The following KCNQ1 variants were observed in gnomAD, a reference collection of about 807,000 sequenced individuals.
KCNQ1 encodes potassium voltage-gated channel subfamily KQT member 1.
A neutral mutation model predicts 72.4 loss-of-function variants in KCNQ1; 49 were observed. That is an observed-to-expected ratio of 0.68 (90% confidence interval 0.54 to 0.86). The LOEUF (loss-of-function observed/expected upper bound fraction) is 0.86. Ranked by LOEUF, KCNQ1 falls within the 40% of genes least tolerant of loss-of-function variation. The probability of loss-of-function intolerance (pLI) is 0.00; values close to 1 mark genes in which losing one functional copy is unlikely to be tolerated. For synonymous variants in KCNQ1, 450 were observed against 412.6 expected (o/e 1.09, Z -1.10); for missense variants, 790 against 945.1 (o/e 0.84, Z 2.15).
intron 1 of KCNQ1, among the ~76,000 whole-genome samples, chr11:2,501,185 G>A (rs987454088): frequency 2.0e-5 from 3 of 150,796 alleles, no homozygotes; most frequent in Non-Finnish European, 4.4e-5. Flanking sequence ...AAAGCTTAGA[G>A]CAGAAATACA....
chr11:2,643,106 A>G, intron 10 of KCNQ1: 1 of 398,190 alleles, frequency 2.5e-6, no homozygotes, highest in Non-Finnish European at 4.4e-6. Context: ...AGAGTGTTCC[A>G]TGTACTGATG....
intron 1 of KCNQ1, among the ~76,000 whole-genome samples, chr11:2,449,361 C>G (rs745840322): frequency 6.6e-6 from 1 of 152,166 alleles, no homozygotes; most frequent in African/African-American, 2.4e-5. Flanking sequence ...TTGCATATAA[C>G]GTGCGGGCTG....
chr11:2,481,105 T>C lies in KCNQ1; in HGVS notation c.386+35621T>C, dbSNP rs550633156. On this transcript the variant is annotated intron_variant, in intron 1 of 15. Coordinates refer to ENST00000155840, the MANE Select transcript of KCNQ1 (RefSeq NM_000218.3). The surrounding 1 kb of genome is among the most constrained non-coding windows in gnomAD (Gnocchi z 4.6). Reference sequence around the variant, plus strand: ...TCATAGCCACGAGAACGGGTGGTGGTCTCTTCTGCAGTGAACTGATGCGAT... The same window carrying C: ...TCATAGCCACGAGAACGGGTGGTGGCCTCTTCTGCAGTGAACTGATGCGAT... Among the ~76,000 whole-genome samples the C allele has an allele frequency of 2.6e-5, 4 of 152,352 alleles. No individual in the cohort carries two copies. The East Asian group carries it at 5.8e-4, about 22-fold the overall frequency.
chr11:2,665,217 C>T, intron 11 of KCNQ1: 1 of 398,688 alleles, frequency 2.5e-6, no homozygotes, highest in South Asian at 1.3e-4. Context: ...AAGCTGTCTT[C>T]CTAGGTTGAA....
rs1173053233 is a variant in KCNQ1 at position 2,603,831 on chromosome 11, C to T, written c.1393+14977C>T. ...TCAGCCTCCCAAGTAGGTGGGATTA[C>T]GGGCACGCACCACCAAGCCCGGCTA... On this transcript the variant is annotated intron_variant, in intron 10 of 15. Transcript: ENST00000155840. This position sits in a 1 kb window ranked among gnomAD's most constrained non-coding sequence, Gnocchi z 4.1. 2.6e-5 allele frequency among the ~76,000 whole-genome samples: 4 copies of T among 152,008 alleles called. No individual in the cohort carries two copies. Among genetic ancestry groups the T allele is most frequent in the East Asian group, 3.9e-4 (2 of 5,140 alleles).
Position 2,617,341 on chromosome 11 carries a change from T to C in KCNQ1, c.1393+28487T>C, listed in dbSNP as rs2133799021. The C allele has an allele frequency of 2.5e-6, 1 of 398,452 alleles. No individual in the cohort carries two copies. Among genetic ancestry groups the C allele is most frequent in the East Asian group, 3.6e-5 (1 of 28,064 alleles). The allele number at this position is 398,452 out of a possible 1,614,324, so 24.7% of individuals were successfully genotyped here. ...GAGATTATTTAAAACTTTTCATTTGTATATGGCTTATTTAACTTAGCACAA... is the reference window on the plus strand; with the variant it reads ...GAGATTATTTAAAACTTTTCATTTGCATATGGCTTATTTAACTTAGCACAA... On this transcript the variant is annotated intron_variant, in intron 10 of 15. Transcript: ENST00000155840. This position sits in a 1 kb window ranked among gnomAD's most constrained non-coding sequence, Gnocchi z 4.6.
intron 11 of KCNQ1, among the ~76,000 whole-genome samples, chr11:2,737,551 T>C (rs916772441): frequency 6.6e-6 from 1 of 152,356 alleles, no homozygotes; most frequent in South Asian, 2.1e-4. Context: ...ATTTCAGAAG[T>C]GCTACTTGAA....
rs1175234083 is a variant in KCNQ1, at chr11:2,593,748, GCCT to G, written c.1393+4901_1393+4903del. 6.6e-6 allele frequency among the ~76,000 whole-genome samples: 1 copy of G among 152,200 alleles called. No individual in the cohort carries two copies. Among genetic ancestry groups the G allele is most frequent in the Non-Finnish European group, 1.5e-5 (1 of 68,048 alleles). ...CTGGTTCTCACAGGGTCAGGCTGTA[GCCT>G]CCTCCTGCTCCCGGCTCCGCGTCCT... On this transcript the variant is annotated intron_variant, in intron 10 of 15. Transcript: ENST00000155840. This position sits in a 1 kb window ranked among gnomAD's most constrained non-coding sequence, Gnocchi z 6.9.
intron 3 of KCNQ1, among the ~76,000 whole-genome samples, chr11:2,570,964 T>C (rs892012531): frequency 2.0e-5 from 3 of 152,010 alleles, no homozygotes; most frequent in Non-Finnish European, 4.4e-5. Context: ...GGGTAGGGGG[T>C]TGGTCCCTCA....
chr11:2,680,409 A>T, intron 11 of KCNQ1: 1 of 398,236 alleles, frequency 2.5e-6, no homozygotes, highest in Non-Finnish European at 4.4e-6. Context: ...ATTTTTTTAG[A>T]TCTTTGTATG....
chr11:2,507,926 A>G lies in KCNQ1; in HGVS notation c.387-20002A>G, dbSNP rs566258230. Among the ~76,000 whole-genome samples the G allele has an allele frequency of 5.3e-5, 8 of 152,208 alleles. No homozygotes were observed. The highest frequency in any genetic ancestry group is 1.9e-4 in the African/African-American group (8 of 41,526). On this transcript the variant is annotated intron_variant, in intron 1 of 15. Coordinates refer to ENST00000155840, the MANE Select transcript of KCNQ1 (RefSeq NM_000218.3). This position sits in a 1 kb window ranked among gnomAD's most constrained non-coding sequence, Gnocchi z 5.4. ...AAGGACTCTGTGTTGAGCCCTCCTGAGAGGTTTTGGAACTGGCCTTGACTT... is the reference window on the plus strand; with the variant it reads ...AAGGACTCTGTGTTGAGCCCTCCTGGGAGGTTTTGGAACTGGCCTTGACTT...
At chr11:2,545,706 ATAG>A (rs1408507526) in intron 2 of KCNQ1, among the ~76,000 whole-genome samples, 1 of 152,274 alleles carries the variant, frequency 6.6e-6, no homozygotes, top group African/African-American at 2.4e-5. Flanking sequence ...GTGATTGATA[ATAG>A]TGGTATTCAG....
chr11:2,781,840 A>G lies in KCNQ1; in HGVS notation c.1794+3803A>G, dbSNP rs1320478608. Among the ~76,000 whole-genome samples the G allele has an allele frequency of 6.6e-6, 1 of 152,068 alleles. No individual in the cohort carries two copies. Among genetic ancestry groups the G allele is most frequent in the Non-Finnish European group, 1.5e-5 (1 of 68,006 alleles). Reference sequence around the variant, plus strand: ...GGGGAGTCCTGGGTTTCCATGCCGCAGTTCAGAAAGCGTTGGGCGGGAAGG... The same window carrying G: ...GGGGAGTCCTGGGTTTCCATGCCGCGGTTCAGAAAGCGTTGGGCGGGAAGG... On this transcript the variant is annotated intron_variant, in intron 15 of 15. Transcript: ENST00000155840. This position sits in a 1 kb window ranked among gnomAD's most constrained non-coding sequence, Gnocchi z 6.6.
In KCNQ1 at chr11:2,627,053, A is replaced by G; in HGVS notation, c.1394-34908A>G. ...ACAATATTGGCCTTCCAATCCATGA[A>G]CATAGGAGGTGTTTTCCCTTTATGT... On this transcript the variant is annotated intron_variant, in intron 10 of 15. Coordinates refer to ENST00000155840, the MANE Select transcript of KCNQ1 (RefSeq NM_000218.3). The surrounding 1 kb of genome is among the most constrained non-coding windows in gnomAD (Gnocchi z 4.9). The G allele has an allele frequency of 2.5e-6, 1 of 398,576 alleles. No homozygotes were observed. Among genetic ancestry groups the G allele is most frequent in the Non-Finnish European group, 4.4e-6 (1 of 226,066 alleles). 24.7% of individuals were successfully genotyped at this position (398,576 alleles called of 1,614,324 possible). A position where few individuals can be genotyped will look rare whatever the true frequency, so the allele number is the denominator to read the frequency against.
Position 2,683,039 on chromosome 11 carries a change from C to T in KCNQ1, c.1514+20958C>T. On this transcript the variant is annotated intron_variant, in intron 11 of 15. Transcript: ENST00000155840. This position sits in a 1 kb window ranked among gnomAD's most constrained non-coding sequence, Gnocchi z 4.7. Reference sequence around the variant, plus strand: ...TGCCTCCTGAGAGAGGTGACCTTCTCCCACTTCTTACAGGCAAGGCTCTTG... The same window carrying T: ...TGCCTCCTGAGAGAGGTGACCTTCTTCCACTTCTTACAGGCAAGGCTCTTG... 2.5e-6 allele frequency: 1 copy of T among 398,682 alleles called. No individual in the cohort carries two copies. The highest frequency in any genetic ancestry group is 4.4e-5 in the Admixed American group (1 of 22,738). The allele number at this position is 398,682 out of a possible 1,614,324, so 24.7% of individuals were successfully genotyped here. A position where few individuals can be genotyped will look rare whatever the true frequency, so the allele number is the denominator to read the frequency against.
Position 2,679,672 on chromosome 11 carries a change from T to C in KCNQ1, c.1514+17591T>C, listed in dbSNP as rs1275140390. 3 of 398,422 alleles carry C rather than the reference T, an allele frequency of 7.5e-6. No individual in the cohort carries two copies. The highest frequency in any genetic ancestry group is 7.1e-5 in the East Asian group (2 of 28,080). The allele number at this position is 398,422 out of a possible 1,614,324, so 24.7% of individuals were successfully genotyped here. ...TCCTCATAAGATTATTTAGGATGCA[T>C]AGGATCCCAGATTAGATTTTTTTTA... On this transcript the variant is annotated intron_variant, in intron 11 of 15. Transcript: ENST00000155840. The surrounding 1 kb of genome is among the most constrained non-coding windows in gnomAD (Gnocchi z 4.8).
Position 2,593,031 on chromosome 11 carries a change from C to T in KCNQ1, c.1393+4177C>T, listed in dbSNP as rs1163145091. On this transcript the variant is annotated intron_variant, in intron 10 of 15. Coordinates refer to ENST00000155840, the MANE Select transcript of KCNQ1 (RefSeq NM_000218.3). This position sits in a 1 kb window ranked among gnomAD's most constrained non-coding sequence, Gnocchi z 6.9. ...GCCCCTCCTCCACTCCAGTTGTCTCCACAGCCAGGTCACCATTGACCAGGT... is the reference window on the plus strand; with the variant it reads ...GCCCCTCCTCCACTCCAGTTGTCTCTACAGCCAGGTCACCATTGACCAGGT... Among the ~76,000 whole-genome samples the T allele has an allele frequency of 1.3e-5, 2 of 152,352 alleles. No individual in the cohort carries two copies. The highest frequency in any genetic ancestry group is 3.9e-4 in the East Asian group (2 of 5,186).
chr11:2,741,183 A>C (rs1047862630), intron 11 of KCNQ1, among the ~76,000 whole-genome samples: 2 of 152,118 alleles, frequency 1.3e-5, no homozygotes, highest in Non-Finnish European at 2.9e-5. Context: ...AGAGTGTCTC[A>C]GGGTGGCCTC....
intron 11 of KCNQ1, chr11:2,665,921 G>C: frequency 2.5e-6 from 1 of 398,606 alleles, no homozygotes; most frequent in Non-Finnish European, 4.4e-6. Context: ...AAGCAACCCT[G>C]GGAGGCTGAA....
Sources: allele counts gnomAD v4.1 joint callset (sites outside exome capture counted in the v4.1 genomes callset), GRCh38; gene constraint gnomAD v4.1.1; non-coding constraint Gnocchi (gnomAD v3.1); transcripts MANE v1.5; gene names NCBI Gene and HGNC (gene_info 2026-07-23, HGNC 2026-07-21).